STARD7: variants seen among roughly 807,000 people sequenced by gnomAD.
STARD7 encodes the protein StAR related lipid transfer domain containing 7, also known as stAR-related lipid transfer protein 7, mitochondrial.
In STARD7, 30 loss-of-function variants were observed where a neutral mutation model predicts 45.3. That is an observed-to-expected ratio of 0.66 (90% CI 0.50 to 0.90). The LOEUF is 0.90. Among genes scored for constraint, STARD7 ranks in the 40% least tolerant of loss-of-function variants. The pLI is 0.00. For missense variants in STARD7, 495 were observed against 491.3 expected (o/e 1.01, Z -0.07); for synonymous variants, 199 against 183.0 (o/e 1.09, Z -0.70).
intron 1 of STARD7, among the ~76,000 whole-genome samples, chr2:96,198,623 C>T (rs912686925): frequency 4.6e-5 from 7 of 152,176 alleles, no homozygotes; most frequent in Admixed American, 1.3e-4. Flanking sequence ...TGCGTCTTGA[C>T]TGGTATTTCC....
intron 1 of STARD7, among the ~76,000 whole-genome samples, chr2:96,196,606 C>A (rs1366230625): frequency 6.6e-6 from 1 of 152,144 alleles, no homozygotes; most frequent in Non-Finnish European, 1.5e-5. Flanking sequence ...GGACTACAGG[C>A]ACGCGCTATC....
rs1332960787 is a variant in STARD7, at chr2:96,193,175, G to A, written c.661-15C>T. 1.2e-6 allele frequency: 2 copies of A among 1,604,520 alleles called. No homozygotes were observed. The highest frequency in any genetic ancestry group is 2.2e-5 in the East Asian group (1 of 44,834). The stretch of plus-strand genomic sequence containing the variant: ...TACATTGGATACTAAAGAAATGGAG[G>A]AGCAGGATTAGTGTTCTGCATCACA... On this transcript the variant is annotated splice_polypyrimidine_tract_variant and intron_variant, in intron 4 of 7. Coordinates refer to ENST00000337288, the MANE Select transcript of STARD7 (RefSeq NM_020151.4).
At chr2:96,188,657 A>G (rs1156340637) in intron 6 of STARD7, among the ~76,000 whole-genome samples, 1 of 151,284 alleles carries the variant, frequency 6.6e-6, no homozygotes, top group East Asian at 2.0e-4. Context: ...GCTGAGGCAG[A>G]TGGATCACCT....
At position 96,194,977 on chromosome 2, in the gene STARD7, C is replaced by T. The variant is rs200450259; in HGVS notation, c.530G>A (p.Arg177Gln). ...ACTCACCTGAACATTGAAGAACTGCCGAGGTGTCACATCTGTGTAGGTTCC... is the reference window on the plus strand; with the variant it reads ...ACTCACCTGAACATTGAAGAACTGCTGAGGTGTCACATCTGTGTAGGTTCC... Reference protein sequence around the residue: ...VFGTYTDVTPRQFFNVQLDTE... With the variant: ...VFGTYTDVTPQQFFNVQLDTE... The change falls in exon 3 of 8, where the codon CGG (arginine) becomes CAG (glutamine). Residue 177 changes from arginine to glutamine, a missense_variant. Physicochemically the swap from Arg to Gln is conservative, Grantham distance 43 (BLOSUM62 1). This residue lies in a region of STARD7 where 213 missense variants were observed against 271.2 expected (regional missense o/e 0.79). Transcript: ENST00000337288. The T allele has an allele frequency of 1.5e-4, 245 of 1,610,178 alleles. No homozygotes were observed. The highest frequency in any genetic ancestry group is 1.9e-4 in the Non-Finnish European group (229 of 1,178,356).
chr2:96,199,192 G>A (rs1683269791), intron 1 of STARD7, among the ~76,000 whole-genome samples: 1 of 152,142 alleles, frequency 6.6e-6, no homozygotes. Context: ...TATCAGAAGT[G>A]GCTTGCCAAT....
At chr2:96,195,124 A>T in intron 2 of STARD7, 117 bp from the exon 3 acceptor site, 1 of 976,924 alleles carries the variant, frequency 1.0e-6, no homozygotes, top group African/African-American at 1.6e-5. Flanking sequence ...GCAGGTTCAG[A>T]AACTAGAAGT....
At chr2:96,206,757 C>T (rs1172296500) in intron 1 of STARD7, among the ~76,000 whole-genome samples, 10 of 142,822 alleles carry the variant, frequency 7.0e-5, no homozygotes, top group African/African-American at 5.2e-5. Flanking sequence ...GCCTAGATCG[C>T]GCCACTGCAC....
intron 2 of STARD7, 124 bp downstream of exon 2, chr2:96,195,217 A>G (rs947275816): frequency 1.0e-6 from 1 of 953,018 alleles, no homozygotes; most frequent in South Asian, 1.7e-5. Flanking sequence ...AAGAAAAACA[A>G]TAAACAAAAA....
rs1265033744 is a variant in STARD7, at chr2:96,185,324, G to A, written c.*1406C>T. On this transcript the variant is annotated 3_prime_UTR_variant, in exon 8 of 8. Coordinates refer to ENST00000337288, the MANE Select transcript of STARD7 (RefSeq NM_020151.4). ...ACAAGAAGGTCAAGGAAGTGTTTAA[G>A]TTAGTCTCAGGTTTAAACCACTTTT... The A allele has an allele frequency of 6.6e-6, 1 of 152,440 alleles. No homozygotes were observed. The highest frequency in any genetic ancestry group is 2.4e-5 in the African/African-American group (1 of 41,398). The allele number at this position is 152,440 out of a possible 1,614,324, so 9.4% of individuals were successfully genotyped here. A position where few individuals can be genotyped will look rare whatever the true frequency, so the allele number is the denominator to read the frequency against.
chr2:96,208,114 C>A (rs750360432), intron 1 of STARD7, 31 bp downstream of exon 1: 2 of 1,503,398 alleles, frequency 1.3e-6, no homozygotes, highest in Non-Finnish European at 1.8e-6. Context: ...CCCCACCCCA[C>A]GGCCCAGAAA....
In STARD7 at chr2:96,208,789, CAGCAGCACGCAAGCT is replaced by C; in HGVS notation, c.-370_-356del. Reference sequence around the variant, plus strand: ...AGAAACGAGACAGACAGCTCAGGCCCAGCAGCACGCAAGCTCCCGCGCCTTCCGCGACTGCCACAC... The same window carrying C: ...AGAAACGAGACAGACAGCTCAGGCCCCCCGCGCCTTCCGCGACTGCCACAC... On this transcript the variant is annotated 5_prime_UTR_variant, in exon 1 of 8. Transcript: ENST00000337288. 9 of 403,558 alleles carry C rather than the reference CAGCAGCACGCAAGCT, an allele frequency of 2.2e-5. No individual in the cohort carries two copies. The Middle Eastern group carries it at 2.8e-3, about 125-fold the overall frequency. 25.0% of individuals were successfully genotyped at this position (403,558 alleles called of 1,614,324 possible).
intron 1 of STARD7, among the ~76,000 whole-genome samples, chr2:96,199,727 C>T (rs1683277078): frequency 6.6e-6 from 1 of 152,240 alleles, no homozygotes; most frequent in South Asian, 2.1e-4. Flanking sequence ...GAATCCTCAT[C>T]TTGTTCCTGA....
intron 2 of STARD7, 152 bp from the exon 3 acceptor site, chr2:96,195,159 A>G: frequency 1.2e-6 from 1 of 833,190 alleles, no homozygotes; most frequent in East Asian, 2.7e-5. Context: ...AAAGAAAGAC[A>G]AAGAGGATGT....
chr2:96,203,970 A>C (rs1002023902), intron 1 of STARD7, among the ~76,000 whole-genome samples: 6 of 146,536 alleles, frequency 4.1e-5, no homozygotes, highest in Non-Finnish European at 6.1e-5. Context: ...CATACCCCCC[A>C]AAAAAAGACA....
chr2:96,187,865 C>G, intron 6 of STARD7: 1 of 152,282 alleles, frequency 6.6e-6, no homozygotes, highest in Non-Finnish European at 1.5e-5. Flanking sequence ...GGCTGAGGCA[C>G]AAGAATTGCT....
At position 96,208,523 on chromosome 2, in the gene STARD7, A is replaced by C; in HGVS notation, c.-89T>G. On this transcript the variant is annotated 5_prime_UTR_variant, in exon 1 of 8. Transcript: ENST00000337288. ...GGCGGTGGTCGCAGCGTCCCCCTAA[A>C]TGGCCGGCCACGAACCCGTCTCACG... is the stretch of plus-strand genomic sequence containing the variant. 23 of 1,160,418 alleles carry C rather than the reference A, an allele frequency of 2.0e-5. No individual in the cohort carries two copies. The highest frequency in any genetic ancestry group is 2.4e-5 in the Non-Finnish European group (21 of 890,670). 71.9% of individuals were successfully genotyped at this position (1,160,418 alleles called of 1,614,324 possible). A position where few individuals can be genotyped will look rare whatever the true frequency, so the allele number is the denominator to read the frequency against.
intron 6 of STARD7, among the ~76,000 whole-genome samples, chr2:96,189,680 T>G (rs1213428320): frequency 1.4e-5 from 2 of 143,954 alleles, no homozygotes; most frequent in African/African-American, 5.1e-5. Flanking sequence ...CACTCCAGCC[T>G]GCACAACAGA....
intron 1 of STARD7, among the ~76,000 whole-genome samples, chr2:96,202,230 G>A (rs1683317783): frequency 6.6e-6 from 1 of 152,154 alleles, no homozygotes; most frequent in Non-Finnish European, 1.5e-5. Context: ...ATAACACAAA[G>A]GCACAGGATC....
In STARD7 at chr2:96,204,585, G is replaced by A. The variant is rs569413155; in HGVS notation, c.290+3560C>T. Reference sequence around the variant, plus strand: ...GGGGCGGGAGGGAAGGGGAGGACAGGACAGGACAGGACATCAATTAGCTCA... The same window carrying A: ...GGGGCGGGAGGGAAGGGGAGGACAGAACAGGACAGGACATCAATTAGCTCA... On this transcript the variant is annotated intron_variant, in intron 1 of 7. Coordinates refer to ENST00000337288, the MANE Select transcript of STARD7 (RefSeq NM_020151.4). Among the ~76,000 whole-genome samples the A allele has an allele frequency of 2.0e-5, 3 of 152,210 alleles. No homozygotes were observed. In the South Asian group the frequency reaches 6.2e-4, roughly 32 times the overall value.
Sources: allele counts gnomAD v4.1 joint callset (sites outside exome capture counted in the v4.1 genomes callset), GRCh38; gene constraint gnomAD v4.1.1; regional missense constraint gnomAD v4.1.1; transcripts MANE v1.5; gene names NCBI Gene and HGNC (gene_info 2026-07-23, HGNC 2026-07-21).